The following PDXDC1 variants were observed in gnomAD, a reference collection of about 807,000 sequenced individuals.
PDXDC1 encodes the protein pyridoxal dependent decarboxylase domain containing 1.
PDXDC1 carries 42 observed loss-of-function variants against 100.1 expected under a neutral mutation model. That is an observed-to-expected ratio of 0.42 (90% CI 0.33 to 0.54). The LOEUF (loss-of-function observed/expected upper bound fraction) is 0.54. Among genes scored for constraint, PDXDC1 ranks in the 20% least tolerant of loss-of-function variants. The probability of loss-of-function intolerance (pLI) is 0.10; values close to 1 mark genes in which losing one functional copy is unlikely to be tolerated. For missense variants in PDXDC1, 636 were observed against 979.2 expected (o/e 0.65, Z 4.68); for synonymous variants, 260 against 371.7 (o/e 0.70, Z 3.46).
intron 16 of PDXDC1, among the ~76,000 whole-genome samples, chr16:15,086,790 A>G (rs1375574664): frequency 6.6e-6 from 1 of 152,226 alleles, no homozygotes; most frequent in Non-Finnish European, 1.5e-5. Flanking sequence ...AGACTGAAAT[A>G]TTAGAAGATC....
At chr16:14,978,603 C>T (rs1190788788) in intron 1 of PDXDC1, among the ~76,000 whole-genome samples, 1 of 152,410 alleles carries the variant, frequency 6.6e-6, no homozygotes, top group African/African-American at 2.4e-5. Flanking sequence ...CTATATTGCC[C>T]AGGCTGGTCC....
intron 16 of PDXDC1, among the ~76,000 whole-genome samples, chr16:15,066,923 G>A (rs1343704240): frequency 1.3e-5 from 2 of 151,836 alleles, no homozygotes; most frequent in African/African-American, 2.4e-5. Flanking sequence ...CAAATCGAGA[G>A]CCCCTGGACC....
intron 8 of PDXDC1, among the ~76,000 whole-genome samples, chr16:15,013,689 A>T (rs1284391489): frequency 6.6e-6 from 1 of 152,184 alleles, no homozygotes; most frequent in East Asian, 1.9e-4. Flanking sequence ...AGCCTGACCA[A>T]TGTGGTAAAA....
intron 16 of PDXDC1, chr16:15,093,902 GAA>G: frequency 1.9e-6 from 1 of 531,888 alleles, no homozygotes. Context: ...GGGAAATCAC[GAA>G]GAGACACAGT....
intron 16 of PDXDC1, among the ~76,000 whole-genome samples, chr16:15,052,809 A>T (rs900330949): frequency 6.6e-6 from 1 of 152,108 alleles, no homozygotes; most frequent in Non-Finnish European, 1.5e-5. Context: ...TGGGTGACAG[A>T]GCAAGGCTCT....
intron 16 of PDXDC1, among the ~76,000 whole-genome samples, chr16:15,051,698 AT>A (rs61437077): frequency 0.3 from 36,926 of 122,312 alleles, 5,583 homozygotes; most frequent in Admixed American, 0.46. Flanking sequence ...TTTATTTTTA[AT>A]TTTTTTTTTT....
intron 16 of PDXDC1, chr16:15,045,750 T>C (rs2044034180): frequency 6.6e-6 from 1 of 152,296 alleles, no homozygotes; most frequent in East Asian, 1.9e-4. Flanking sequence ...ACCCAGTGTT[T>C]CCCACACTCA....
At chr16:15,082,190 A>C (rs2045735251) in intron 16 of PDXDC1, among the ~76,000 whole-genome samples, 1 of 152,172 alleles carries the variant, frequency 6.6e-6, no homozygotes, top group Non-Finnish European at 1.5e-5. Context: ...TTGGTCTTTC[A>C]CCAATGAATA....
intron 16 of PDXDC1, among the ~76,000 whole-genome samples, chr16:15,085,015 G>A (rs187657119): frequency 3.2e-4 from 48 of 151,702 alleles, no homozygotes; most frequent in African/African-American, 8.7e-4. Context: ...GCAGCGAACC[G>A]AGATCACACC....
At chr16:14,984,315 CTTTTT>C (rs1167894912) in intron 1 of PDXDC1, among the ~76,000 whole-genome samples, 4 of 106,840 alleles carry the variant, frequency 3.7e-5, no homozygotes, top group Non-Finnish European at 7.2e-5. Context: ...GCACCCCCGC[CTTTTT>C]TTTTTTTTTT....
chr16:15,092,459 T>G (rs555911971), intron 16 of PDXDC1: 47 of 1,118,440 alleles, frequency 4.2e-5, no homozygotes, highest in Non-Finnish European at 6.4e-5. Context: ...ACAGCAATAG[T>G]TGTATTCTGA....
chr16:15,132,337 GGC>G (rs1236262228), intron 16 of PDXDC1, among the ~76,000 whole-genome samples: 4 of 29,590 alleles, frequency 1.4e-4, no homozygotes, highest in South Asian at 2.3e-3. Flanking sequence ...GAGGGGAGGG[GGC>G]AGGGGCTAGG....
chr16:15,006,023 G>T (rs1470260134), intron 5 of PDXDC1, among the ~76,000 whole-genome samples: 1 of 152,280 alleles, frequency 6.6e-6, no homozygotes, highest in African/African-American at 2.4e-5. Flanking sequence ...ATTTACTTTG[G>T]ATGTTTTAGG....
intron 16 of PDXDC1, among the ~76,000 whole-genome samples, chr16:15,051,509 G>C (rs556712864): frequency 5.8e-4 from 87 of 151,178 alleles, no homozygotes; most frequent in Non-Finnish European, 1.1e-3. Context: ...GACACACCTG[G>C]CTAGTTTTTG....
intron 16 of PDXDC1, among the ~76,000 whole-genome samples, chr16:15,069,237 C>T (rs1194763250): frequency 6.6e-6 from 1 of 152,062 alleles, no homozygotes; most frequent in Non-Finnish European, 1.5e-5. Context: ...TGGTCGGGGA[C>T]TGCTGTTGGC....
intron 16 of PDXDC1, chr16:15,094,203 G>A (rs201504364): frequency 7.3e-5 from 116 of 1,598,152 alleles, no homozygotes; most frequent in South Asian, 1.9e-4. Flanking sequence ...GCATCTCCCG[G>A]CAAACGCGTG....
chr16:15,057,634 C>G (rs992081524), intron 16 of PDXDC1, among the ~76,000 whole-genome samples: 1 of 152,230 alleles, frequency 6.6e-6, no homozygotes, highest in Non-Finnish European at 1.5e-5. Context: ...GATCAATGAC[C>G]AGCAGGCTGG....
chr16:15,076,117 T>C (rs768627412), intron 16 of PDXDC1, among the ~76,000 whole-genome samples: 8 of 152,172 alleles, frequency 5.3e-5, no homozygotes, highest in Non-Finnish European at 1.0e-4. Flanking sequence ...TGCCCTCTTC[T>C]GCTCCCTGAC....
chr16:15,127,854 C>G (rs1402590319), intron 16 of PDXDC1: 4 of 1,566,326 alleles, frequency 2.6e-6, no homozygotes, highest in Non-Finnish European at 2.6e-6. Flanking sequence ...CGCACTGCAG[C>G]TCAGCCACCA....
Sources: gnomAD v4.1 joint callset for allele counts (sites outside exome capture counted in the v4.1 genomes callset) on GRCh38, gnomAD v4.1.1 for gene constraint, MANE v1.5 for transcripts, NCBI Gene and HGNC (gene_info 2026-07-23, HGNC 2026-07-21) for gene names.